TPCN2: variants seen among roughly 807,000 people sequenced by gnomAD.
TPCN2 encodes two pore segment channel 2, also known as two pore channel protein 2.
In TPCN2, 92 loss-of-function variants were observed where a neutral mutation model predicts 111.4. The observed-to-expected ratio is 0.83, with a 90% CI of 0.70 to 0.98. The LOEUF (loss-of-function observed/expected upper bound fraction) is 0.98. TPCN2 is among the 50% of genes least tolerant of loss of function. The pLI, the probability that TPCN2 is intolerant of heterozygous loss-of-function variation, is 0.00. For missense variants in TPCN2, 995 were observed against 980.1 expected, an observed-to-expected ratio of 1.02 and a Z score of -0.20; for synonymous variants, 405 against 414.5, an observed-to-expected ratio of 0.98 and a Z score of 0.28.
At chr11:69,085,638 C>T (rs781303004) in intron 20 of TPCN2, 33 bp from the exon 21 acceptor site, 1 of 1,445,042 alleles carries the variant, frequency 6.9e-7, no homozygotes, top group Non-Finnish European at 9.7e-7. Context: ...CCTGGAGCCC[C>T]CGCCCCTGAC....
intron 5 of TPCN2, among the ~76,000 whole-genome samples, chr11:69,060,502 CTT>C (rs898417427): frequency 1.3e-5 from 2 of 152,184 alleles, no homozygotes; most frequent in African/African-American, 4.8e-5. Flanking sequence ...CTCGTTCACT[CTT>C]GTCTTTGCCA....
intron 20 of TPCN2, 65 bp from the exon 21 acceptor site, chr11:69,085,606 T>C (rs1440955236): frequency 2.0e-5 from 21 of 1,063,444 alleles, no homozygotes; most frequent in Non-Finnish European, 2.8e-5. Context: ...AGGAAAGGGG[T>C]GTAAGGTATC....
chr11:69,072,645 G>A lies in TPCN2; in HGVS notation c.1080G>A (p.Gln360=), dbSNP rs1855586853. ...CCTGCAGAGTTGGGGTGAAGCCCCA[G>A]AACTTGCTGCAGGTGCTTCAGAAGG... ...AFPQAVGVKP[Q]NLLQVLQKVQ... Residue 360 remains glutamine, a synonymous_variant, in exon 12 of 25, where the codon CAG becomes CAA. Coordinates refer to ENST00000294309, the MANE Select transcript of TPCN2 (RefSeq NM_139075.4). The A allele has an allele frequency of 6.2e-7, 1 of 1,613,822 alleles. No individual in the cohort carries two copies. The highest frequency in any genetic ancestry group is 8.5e-7 in the Non-Finnish European group (1 of 1,180,028).
chr11:69,065,154 ATGTG>A (rs1855216010), intron 7 of TPCN2, among the ~76,000 whole-genome samples: 1 of 151,668 alleles, frequency 6.6e-6, no homozygotes, highest in Admixed American at 6.6e-5. Context: ...CTCTGTGTGT[ATGTG>A]TGTGTTTGTG....
At position 69,086,501 on chromosome 11, in the gene TPCN2, G is replaced by A. The variant is rs759982440; in HGVS notation, c.2004-22G>A. 3.1e-6 allele frequency: 5 copies of A among 1,608,680 alleles called. No individual in the cohort carries two copies. In the East Asian group the frequency reaches 8.9e-5, roughly 29 times the overall value. On this transcript the variant is annotated intron_variant, in intron 22 of 24. Transcript: ENST00000294309. ...TTGCTTTGCTCATCGTGGTTCACAGGGTGGGTCTCTGTCCTCCGCAGGTGG... is the reference window on the plus strand; with the variant it reads ...TTGCTTTGCTCATCGTGGTTCACAGAGTGGGTCTCTGTCCTCCGCAGGTGG...
intron 7 of TPCN2, 131 bp from the exon 8 acceptor site, chr11:69,067,372 G>A: frequency 1.2e-6 from 1 of 816,124 alleles, no homozygotes; most frequent in Non-Finnish European, 2.0e-6. Context: ...AGCTCAGCCT[G>A]CTGGGAGGCC....
At chr11:69,053,847 A>G (rs137922383) in intron 1 of TPCN2, among the ~76,000 whole-genome samples, 186 bp from the exon 2 acceptor site, 2,078 of 152,190 alleles carry the variant, frequency 0.014, 16 homozygotes, top group Middle Eastern at 0.034. Context: ...TTTGATGCCG[A>G]GGCACTTACC....
Position 69,089,394 on chromosome 11 carries a change from G to T in TPCN2, c.*1441G>T, listed in dbSNP as rs1440285077. 1 of 152,276 alleles carries T rather than the reference G, an allele frequency of 6.6e-6. No homozygotes were observed. Among genetic ancestry groups the T allele is most frequent in the Non-Finnish European group, 1.5e-5 (1 of 68,046 alleles). 9.4% of individuals were successfully genotyped at this position (152,276 alleles called of 1,614,324 possible). A position where few individuals can be genotyped will look rare whatever the true frequency, so the allele number is the denominator to read the frequency against. On this transcript the variant is annotated 3_prime_UTR_variant, in exon 25 of 25. Transcript: ENST00000294309. ...TGTGCTTTGGGACGGCGTCCAACCC[G>T]CATTCATGTCAGGAGTGAGTCGCAC...
Position 69,070,479 on chromosome 11 carries a change from A to T in TPCN2, c.879A>T (p.Ile293=). 6.2e-7 allele frequency: 1 copy of T among 1,609,756 alleles called. No homozygotes were observed. The highest frequency in any genetic ancestry group is 8.5e-7 in the Non-Finnish European group (1 of 1,178,292). ...ACCGGGCCTATGCCATCTTCTTCAT[A>T]GTCTTCACTGTGATAGGTGAGTGCA... ...SKNRAYAIFF[I]VFTVIGSLFL... is the part of the protein sequence containing the mutation. The change falls in exon 9 of 25, where the codon ATA becomes ATT. Residue 293 remains isoleucine, a synonymous_variant. Transcript: ENST00000294309.
At chr11:69,050,440 A>T (rs1231461690) in intron 1 of TPCN2, among the ~76,000 whole-genome samples, 2 of 152,110 alleles carry the variant, frequency 1.3e-5, no homozygotes, top group Admixed American at 6.5e-5. Context: ...CAGTGGCGTG[A>T]TCTCGGCTCA....
intron 3 of TPCN2, 74 bp downstream of exon 3, chr11:69,054,871 G>T (rs1047864935): frequency 2.0e-6 from 3 of 1,472,498 alleles, no homozygotes; most frequent in Non-Finnish European, 1.9e-6. Flanking sequence ...CCCACCTGGG[G>T]ATCACCTGGT....
Position 69,089,916 on chromosome 11 carries a change from GT to G in TPCN2, c.*1971del, listed in dbSNP as rs55735486. 0.43 allele frequency: 65,668 copies of G among 151,978 alleles called. 14,705 individuals carry two copies. The highest frequency in any genetic ancestry group is 0.5 in the Non-Finnish European group (34,139 of 67,976). The allele number at this position is 151,978 out of a possible 1,614,324, so 9.4% of individuals were successfully genotyped here. A position where few individuals can be genotyped will look rare whatever the true frequency, so the allele number is the denominator to read the frequency against. ...GGGAGCCCCTTCTTCTGCCTTTTGT[GT>G]TTTTTTTGTTATGTACCTACAGTTC... On this transcript the variant is annotated 3_prime_UTR_variant, in exon 25 of 25. Coordinates refer to ENST00000294309, the MANE Select transcript of TPCN2 (RefSeq NM_139075.4).
intron 9 of TPCN2, among the ~76,000 whole-genome samples, chr11:69,070,936 C>A (rs1436367999): frequency 7.0e-6 from 1 of 142,884 alleles, no homozygotes; most frequent in Non-Finnish European, 1.5e-5. Flanking sequence ...CCCCAGGGAT[C>A]CCCCACCCCA....
intron 13 of TPCN2, among the ~76,000 whole-genome samples, chr11:69,074,829 C>T (rs1357148163): frequency 6.6e-6 from 1 of 152,216 alleles, no homozygotes; most frequent in African/African-American, 2.4e-5. Context: ...GTTCCTCAGG[C>T]TTTGCTCCTG....
intron 1 of TPCN2, among the ~76,000 whole-genome samples, chr11:69,049,361 C>T (rs1322845816): frequency 1.3e-5 from 2 of 152,218 alleles, no homozygotes; most frequent in African/African-American, 4.8e-5. Flanking sequence ...ACCAGCTGGG[C>T]GAAGAGGCCC....
chr11:69,055,574 C>G (rs575709910), intron 4 of TPCN2, among the ~76,000 whole-genome samples: 4 of 151,632 alleles, frequency 2.6e-5, no homozygotes, highest in African/African-American at 9.7e-5. Context: ...GCCAGTGTGC[C>G]GTCAGCTCTC....
chr11:69,078,192 T>C (rs977278589), intron 13 of TPCN2, among the ~76,000 whole-genome samples: 1 of 151,700 alleles, frequency 6.6e-6, no homozygotes, highest in Non-Finnish European at 1.5e-5. Flanking sequence ...AGGGTGACAC[T>C]TTGCGTATGT....
chr11:69,049,690 AG>A (rs1051479473), intron 1 of TPCN2, among the ~76,000 whole-genome samples: 1 of 152,048 alleles, frequency 6.6e-6, no homozygotes, highest in Non-Finnish European at 1.5e-5. Context: ...CGGGCCCCCT[AG>A]ACGGGGGCGG....
rs1277001609 is a variant in TPCN2 at position 69,088,079 on chromosome 11, A to G, written c.*126A>G. On this transcript the variant is annotated 3_prime_UTR_variant, in exon 25 of 25. Coordinates refer to ENST00000294309, the MANE Select transcript of TPCN2 (RefSeq NM_139075.4). ...GAAGAGACCTTTCCTCTGACGGACC[A>G]CTAAGCTGGGGACAGGAACCAAGTC... 21 of 776,766 alleles carry G rather than the reference A, an allele frequency of 2.7e-5. No homozygotes were observed. The Admixed American group carries it at 5.4e-4, about 20-fold the overall frequency. 48.1% of individuals were successfully genotyped at this position (776,766 alleles called of 1,614,324 possible). A position where few individuals can be genotyped will look rare whatever the true frequency, so the allele number is the denominator to read the frequency against.
Sources: gnomAD v4.1 joint callset for allele counts (sites outside exome capture counted in the v4.1 genomes callset) on GRCh38, gnomAD v4.1.1 for gene constraint, MANE v1.5 for transcripts, NCBI Gene and HGNC (gene_info 2026-07-23, HGNC 2026-07-21) for gene names.